LRP2BP: variants seen among roughly 807,000 people sequenced by gnomAD.
The protein encoded by LRP2BP is LRP2 binding protein.
Under a neutral mutation model 45.2 loss-of-function variants are expected in LRP2BP, and 38 were observed. The ratio of observed to expected loss-of-function variants is 0.84; its 90% CI spans 0.65 to 1.10. The LOEUF is 1.10. Among genes scored for constraint, LRP2BP ranks in the 50% least tolerant of loss-of-function variants. LRP2BP has a pLI of 0.00. For missense variants in LRP2BP, 385 were observed against 418.9 expected (o/e 0.92, Z 0.71); for synonymous variants, 153 against 153.9 (o/e 0.99, Z 0.04).
chr4:185,371,854 T>A (rs190637122), intron 7 of LRP2BP, among the ~76,000 whole-genome samples: 98 of 152,256 alleles, frequency 6.4e-4, no homozygotes, highest in Non-Finnish European at 8.8e-5. Context: ...TCCTCTCTTG[T>A]AGATGACTGC....
intron 1 of LRP2BP, among the ~76,000 whole-genome samples, chr4:185,385,081 GAA>G (rs2095467006): frequency 6.6e-6 from 1 of 152,172 alleles, no homozygotes; most frequent in African/African-American, 2.4e-5. Flanking sequence ...AGCACGGGAT[GAA>G]AGAGTCCAGT....
intron 1 of LRP2BP, among the ~76,000 whole-genome samples, chr4:185,387,384 T>C (rs147210157): frequency 6.6e-6 from 1 of 152,210 alleles, no homozygotes. Flanking sequence ...ATATAACACA[T>C]GTACACCCTA....
chr4:185,365,257 A>G lies in LRP2BP; in HGVS notation c.*1923T>C, dbSNP rs905123404. On this transcript the variant is annotated 3_prime_UTR_variant, in exon 9 of 9. Coordinates refer to ENST00000505916, the MANE Select transcript of LRP2BP (RefSeq NM_001377440.1). Reference sequence around the variant, plus strand: ...CATAGCATGTTACCATGTATGGCACACGTCAAAGTTTATGATTTCTGAAAC... The same window carrying G: ...CATAGCATGTTACCATGTATGGCACGCGTCAAAGTTTATGATTTCTGAAAC... 1 of 152,220 alleles carries G rather than the reference A, an allele frequency of 6.6e-6. No homozygotes were observed. Among genetic ancestry groups the G allele is most frequent in the African/African-American group, 2.4e-5 (1 of 41,448 alleles). The allele number at this position is 152,220 out of a possible 1,614,324, so 9.4% of individuals were successfully genotyped here.
At chr4:185,393,452 A>ATCGGT in intron 1 of LRP2BP, among the ~76,000 whole-genome samples, 1 of 152,256 alleles carries the variant, frequency 6.6e-6, no homozygotes, top group Admixed American at 6.5e-5. Context: ...AAATTAGCTT[A>ATCGGT]TCGGTTCCAC....
At chr4:185,393,428 G>C (rs2095493548) in intron 1 of LRP2BP, among the ~76,000 whole-genome samples, 1 of 152,114 alleles carries the variant, frequency 6.6e-6, no homozygotes, top group Non-Finnish European at 1.5e-5. Flanking sequence ...ACCACAGCAA[G>C]CAAGAAATAG....
chr4:185,397,076 G>A (rs2095505465), upstream of LRP2BP: 1 of 1,610,016 alleles, frequency 6.2e-7, no homozygotes, highest in Non-Finnish European at 8.5e-7. Flanking sequence ...TGAAGGGCGG[G>A]GAGGTTTCCA....
upstream of LRP2BP, chr4:185,396,550 C>G (rs957663123): frequency 7.3e-6 from 2 of 272,154 alleles, no homozygotes; most frequent in Non-Finnish European, 1.4e-5. Context: ...CCTGCGCACG[C>G]GCGCTGAGGC....
At chr4:185,378,379 A>C (rs1320826934) in intron 1 of LRP2BP, 172 bp from the exon 2 acceptor site, 1 of 1,394,330 alleles carries the variant, frequency 7.2e-7, no homozygotes, top group South Asian at 1.7e-5. Context: ...GGACACCAAG[A>C]CCCTCCTCCC....
intron 1 of LRP2BP, among the ~76,000 whole-genome samples, chr4:185,393,127 C>T (rs1226501426): frequency 6.6e-5 from 10 of 150,790 alleles, no homozygotes; most frequent in Non-Finnish European, 1.2e-4. Context: ...GAGACGGTTC[C>T]GCCATGTTGG....
intron 1 of LRP2BP, among the ~76,000 whole-genome samples, chr4:185,386,080 A>T (rs1465283359): frequency 6.6e-6 from 1 of 152,252 alleles, no homozygotes; most frequent in Non-Finnish European, 1.5e-5. Context: ...AACTGAAATG[A>T]AAAACAAAAC....
At position 185,382,645 on chromosome 4, in the gene LRP2BP, G is replaced by A. The variant is rs375707862; in HGVS notation, c.-21-4438C>T. 1.8e-4 allele frequency among the ~76,000 whole-genome samples: 27 copies of A among 152,170 alleles called. No individual in the cohort carries two copies. In the South Asian group the frequency reaches 5.4e-3, roughly 30 times the overall value. ...TTTTCCTGTGCTTCTTACCCATTTTGCATTTGTATTTGTAAATGTCTATTC... is the reference window on the plus strand; with the variant it reads ...TTTTCCTGTGCTTCTTACCCATTTTACATTTGTATTTGTAAATGTCTATTC... On this transcript the variant is annotated intron_variant, in intron 1 of 8. Coordinates refer to ENST00000505916, the MANE Select transcript of LRP2BP (RefSeq NM_001377440.1).
intron 3 of LRP2BP, 107 bp downstream of exon 3, chr4:185,376,802 C>G: frequency 1.4e-6 from 1 of 727,050 alleles, no homozygotes; most frequent in Non-Finnish European, 2.3e-6. Context: ...TGTAATTGGA[C>G]AGAATTTCCC....
intron 1 of LRP2BP, chr4:185,390,808 TTA>T (rs2095486490): frequency 1.3e-5 from 2 of 152,192 alleles, no homozygotes. Flanking sequence ...GAAGTACACT[TTA>T]TGTTTTACAA....
chr4:185,392,275 G>A (rs1483591562), intron 1 of LRP2BP, among the ~76,000 whole-genome samples: 1 of 152,132 alleles, frequency 6.6e-6, no homozygotes, highest in South Asian at 2.1e-4. Context: ...TTTAAATCTA[G>A]TCACCATTGA....
At chr4:185,369,395 CAGTAGAGACAGGATTATTTAGTATTTTT>C (rs1191203176) in intron 8 of LRP2BP, among the ~76,000 whole-genome samples, 13 of 151,106 alleles carry the variant, frequency 8.6e-5, no homozygotes, top group Admixed American at 3.3e-4. Flanking sequence ...TTTTATTTTT[CAGTAGAGACAGGATTATTTAGTATTTTT>C]AGTAGAGACC....
At chr4:185,374,660 T>C (rs903179090) in intron 4 of LRP2BP, among the ~76,000 whole-genome samples, 199 bp from the exon 5 acceptor site, 1 of 152,204 alleles carries the variant, frequency 6.6e-6, no homozygotes, top group East Asian at 1.9e-4. Context: ...GTACATCTCC[T>C]ACTCAGGCAC....
At chr4:185,393,925 AAC>A (rs2095495012) in intron 1 of LRP2BP, among the ~76,000 whole-genome samples, 1 of 152,300 alleles carries the variant, frequency 6.6e-6, no homozygotes, top group East Asian at 1.9e-4. Context: ...TATTAAATAA[AAC>A]AGTTGTTTTT....
intron 1 of LRP2BP, among the ~76,000 whole-genome samples, chr4:185,383,102 G>C (rs1211358653): frequency 6.6e-6 from 1 of 152,170 alleles, no homozygotes; most frequent in Non-Finnish European, 1.5e-5. Context: ...TTTCACCTCA[G>C]TAGTTGTGTT....
At chr4:185,370,884 T>A in intron 7 of LRP2BP, 70 bp from the exon 8 acceptor site, 1 of 1,504,534 alleles carries the variant, frequency 6.6e-7, no homozygotes, top group Non-Finnish European at 9.2e-7. Flanking sequence ...ACGATGCGCC[T>A]AGAGACTGTC....
Sources: allele counts gnomAD v4.1 joint callset (sites outside exome capture counted in the v4.1 genomes callset), GRCh38; gene constraint gnomAD v4.1.1; transcripts MANE v1.5; gene names NCBI Gene and HGNC (gene_info 2026-07-23, HGNC 2026-07-21).